NCKAP5: variants seen among roughly 807,000 people sequenced by gnomAD.
The protein encoded by NCKAP5 is NCK associated protein 5.
In NCKAP5, 92 loss-of-function variants were observed where a neutral mutation model predicts 167.0. That is an observed-to-expected ratio of 0.55 (90% CI 0.47 to 0.66). The LOEUF is 0.66. NCKAP5 is among the 30% of genes least tolerant of loss of function. The pLI, the probability that NCKAP5 is intolerant of heterozygous loss-of-function variation, is 0.00. For missense variants in NCKAP5, 2,378 were observed against 2,315.0 expected (o/e 1.03, Z -0.56); for synonymous variants, 891 against 877.4 (o/e 1.02, Z -0.27).
At chr2:133,624,096 A>T in the NCKAP5 span, among the ~76,000 whole-genome samples, 1 of 152,052 alleles carries the variant, frequency 6.6e-6, no homozygotes, top group Non-Finnish European at 1.5e-5. Context: ...ACGCAAAGGC[A>T]TAAGAATGAT....
intron 6 of NCKAP5, among the ~76,000 whole-genome samples, chr2:133,013,491 G>A (rs2078229835): frequency 6.6e-6 from 1 of 152,196 alleles, no homozygotes; most frequent in Non-Finnish European, 1.5e-5. Context: ...CTTGTGCAGG[G>A]AAATTCCCAT....
At chr2:133,629,076 G>A in the NCKAP5 span, among the ~76,000 whole-genome samples, 2 of 152,170 alleles carry the variant, frequency 1.3e-5, no homozygotes, top group East Asian at 3.8e-4. Flanking sequence ...CATAGGCACA[G>A]GCAAAGATTT....
At chr2:132,731,645 G>T in intron 17 of NCKAP5, 92 bp downstream of exon 17, 1 of 1,335,398 alleles carries the variant, frequency 7.5e-7, no homozygotes, top group Non-Finnish European at 1.0e-6. Flanking sequence ...ATTTTTATCA[G>T]GCAGGTCACT....
rs558290635 is a variant in NCKAP5 at position 133,222,190 on chromosome 2, C to A, written c.144-8411G>T. On this transcript the variant is annotated intron_variant, in intron 4 of 19. Coordinates refer to ENST00000409261, the MANE Select transcript of NCKAP5 (RefSeq NM_207363.3). ...AAAAATTACTGAGAATCCCAAAGAG[C>A]TTTTGTTTTTGTCAGTTATGTCTAT... Among the ~76,000 whole-genome samples, 294 of 152,132 alleles carry A rather than the reference C, an allele frequency of 1.9e-3. 2 individuals are homozygous for A. The highest frequency in any genetic ancestry group is 6.6e-3 in the African/African-American group (275 of 41,516).
In NCKAP5 at chr2:133,332,937, G is replaced by A. The variant is rs1258799701; in HGVS notation, c.70-29827C>T. On this transcript the variant is annotated intron_variant, in intron 3 of 19. Coordinates refer to ENST00000409261, the MANE Select transcript of NCKAP5 (RefSeq NM_207363.3). ...AAATCCATCACTGTAGAGGTATACT[G>A]CTTGAAACCATTTTTCCAAAAGGTT... Among the ~76,000 whole-genome samples, 6 of 152,218 alleles carry A rather than the reference G, an allele frequency of 3.9e-5. No individual in the cohort carries two copies. In the South Asian group the frequency reaches 6.2e-4, roughly 16 times the overall value.
At chr2:133,253,165 C>A (rs960624531) in intron 4 of NCKAP5, among the ~76,000 whole-genome samples, 1 of 152,208 alleles carries the variant, frequency 6.6e-6, no homozygotes, top group African/African-American at 2.4e-5. Flanking sequence ...CAAAGTACAC[C>A]AAGAATGCCC....
chr2:133,575,704 C>T, the NCKAP5 span, among the ~76,000 whole-genome samples: 2 of 152,118 alleles, frequency 1.3e-5, no homozygotes, highest in Admixed American at 6.5e-5. Context: ...CCCTGGGTAA[C>T]GTCCTACAGC....
At chr2:133,334,412 G>T (rs1330973662) in intron 3 of NCKAP5, among the ~76,000 whole-genome samples, 1 of 152,114 alleles carries the variant, frequency 6.6e-6, no homozygotes, top group South Asian at 2.1e-4. Context: ...GCACTTTTAT[G>T]TTCATCATCT....
intron 16 of NCKAP5, among the ~76,000 whole-genome samples, chr2:132,736,425 C>A (rs2105529701): frequency 6.6e-6 from 1 of 152,188 alleles, no homozygotes; most frequent in East Asian, 1.9e-4. Context: ...TAGTAGGACC[C>A]AAGTTCAAAG....
At chr2:133,487,311 A>G (rs1680997414) in intron 3 of NCKAP5, among the ~76,000 whole-genome samples, 1 of 152,204 alleles carries the variant, frequency 6.6e-6, no homozygotes, top group South Asian at 2.1e-4. Context: ...ACTTAAAATA[A>G]GCAGGAAGGC....
At position 132,959,124 on chromosome 2, in the gene NCKAP5, C is replaced by T. The variant is rs536204734; in HGVS notation, c.579+4596G>A. On this transcript the variant is annotated intron_variant, in intron 8 of 19. Coordinates refer to ENST00000409261, the MANE Select transcript of NCKAP5 (RefSeq NM_207363.3). ...ATATTTAATATTAATATATATCTAT[C>T]GACTACCAGTTCTACAGGTAATTGT... Among the ~76,000 whole-genome samples, 10 of 148,110 alleles carry T rather than the reference C, an allele frequency of 6.8e-5. No homozygotes were observed. In the South Asian group the frequency reaches 8.5e-4, roughly 13 times the overall value.
chr2:133,274,593 G>GGTCA (rs1203290483), intron 4 of NCKAP5, among the ~76,000 whole-genome samples: 6 of 151,830 alleles, frequency 4.0e-5, no homozygotes, highest in African/African-American at 1.5e-4. Context: ...TTCCAAAAAG[G>GGTCA]GTCAGGTACC....
chr2:133,204,761 C>G (rs369590769), intron 5 of NCKAP5, among the ~76,000 whole-genome samples: 2 of 152,172 alleles, frequency 1.3e-5, no homozygotes, highest in East Asian at 3.9e-4. Flanking sequence ...ATATCCTTGC[C>G]TACTGATGTT....
At chr2:132,869,724 G>GCTC (rs1690650739) in intron 9 of NCKAP5, among the ~76,000 whole-genome samples, 1 of 152,116 alleles carries the variant, frequency 6.6e-6, no homozygotes, top group Non-Finnish European at 1.5e-5. Flanking sequence ...GAAGAAGGGG[G>GCTC]CTCACCCTTC....
chr2:133,323,690 C>T lies in NCKAP5; in HGVS notation c.70-20580G>A, dbSNP rs529327258. ...ATACAGTTGGAGCAGGAGATGGGGG[C>T]GCTACTGGCAGCCAAAGAAATGGAC... On this transcript the variant is annotated intron_variant, in intron 3 of 19. Coordinates refer to ENST00000409261, the MANE Select transcript of NCKAP5 (RefSeq NM_207363.3). 7.9e-4 allele frequency among the ~76,000 whole-genome samples: 120 copies of T among 152,252 alleles called. 2 individuals are homozygous for T. The highest frequency in any genetic ancestry group is 2.7e-3 in the African/African-American group (114 of 41,554).
chr2:132,960,893 A>G (rs1248753896), intron 8 of NCKAP5, among the ~76,000 whole-genome samples: 1 of 152,198 alleles, frequency 6.6e-6, no homozygotes, highest in Non-Finnish European at 1.5e-5. Flanking sequence ...CCACAACACC[A>G]GGGGCCAAGA....
At chr2:132,858,310 G>C (rs115921368) in intron 11 of NCKAP5, among the ~76,000 whole-genome samples, 380 of 152,218 alleles carry the variant, frequency 2.5e-3, no homozygotes, top group African/African-American at 7.9e-3. Flanking sequence ...TGTAAGACAG[G>C]AAAACTTCAA....
intron 6 of NCKAP5, among the ~76,000 whole-genome samples, chr2:133,067,897 G>T (rs1239568806): frequency 6.6e-6 from 1 of 152,142 alleles, no homozygotes; most frequent in East Asian, 1.9e-4. Flanking sequence ...TCTGGATCCA[G>T]AACAGCTCTG....
intron 5 of NCKAP5, among the ~76,000 whole-genome samples, chr2:133,153,641 C>A (rs898875893): frequency 3.3e-5 from 5 of 152,018 alleles, no homozygotes; most frequent in South Asian, 2.1e-4. Flanking sequence ...AAAGCCCTCA[C>A]CCATCAATCC....
Sources: gnomAD v4.1 joint callset for allele counts (sites outside exome capture counted in the v4.1 genomes callset) on GRCh38, gnomAD v4.1.1 for gene constraint, MANE v1.5 for transcripts, NCBI Gene and HGNC (gene_info 2026-07-23, HGNC 2026-07-21) for gene names.